Variants in FBXL13 observed in about 807,000 individuals in gnomAD.
FBXL13 encodes the protein F-box and leucine-rich repeat protein 13.
In FBXL13, 67 loss-of-function variants were observed where a neutral mutation model predicts 83.6. The ratio of observed to expected loss-of-function variants is 0.80; its 90% CI spans 0.66 to 0.98. FBXL13 has a LOEUF of 0.98. Among genes scored for constraint, FBXL13 ranks in the 50% least tolerant of loss-of-function variants. The pLI, the probability that FBXL13 is intolerant of heterozygous loss-of-function variation, is 0.00. For synonymous variants in FBXL13, 272 were observed against 299.5 expected, an observed-to-expected ratio of 0.91 and a Z score of 0.95; for missense variants, 822 against 866.5, an observed-to-expected ratio of 0.95 and a Z score of 0.64.
chr7:102,939,740 G>T (rs1780129274), intron 8 of FBXL13, among the ~76,000 whole-genome samples: 1 of 152,184 alleles, frequency 6.6e-6, no homozygotes, highest in Admixed American at 6.5e-5. Flanking sequence ...ACTAGGAGTT[G>T]TTTGCCACTC....
intron 6 of FBXL13, among the ~76,000 whole-genome samples, chr7:102,995,964 A>C (rs907752991): frequency 2.0e-5 from 3 of 152,102 alleles, no homozygotes; most frequent in Admixed American, 6.5e-5. Context: ...AGTGAACCTA[A>C]AACTTAGATT....
intron 6 of FBXL13, among the ~76,000 whole-genome samples, chr7:102,969,942 A>G (rs1826437364): frequency 6.6e-6 from 1 of 152,156 alleles, no homozygotes; most frequent in Non-Finnish European, 1.5e-5. Flanking sequence ...AAACTAAGGT[A>G]TCTAGCCTGG....
intron 11 of FBXL13, among the ~76,000 whole-genome samples, chr7:102,890,706 A>C (rs1019510656): frequency 5.3e-5 from 8 of 152,248 alleles, no homozygotes; most frequent in African/African-American, 1.9e-4. Context: ...ACTTAGTGAC[A>C]GGGATGATAA....
chr7:102,954,580 TAA>T (rs1823952122), intron 8 of FBXL13, among the ~76,000 whole-genome samples: 1 of 152,302 alleles, frequency 6.6e-6, no homozygotes, highest in Admixed American at 6.5e-5. Context: ...ATGCCCCAAT[TAA>T]AAGACACAGA....
At chr7:102,939,290 C>G in intron 8 of FBXL13, 1 of 649,450 alleles carries the variant, frequency 1.5e-6, no homozygotes, top group Non-Finnish European at 2.5e-6. Flanking sequence ...AGGCTTGTTT[C>G]ATACTAACTT....
chr7:103,042,925 T>A (rs939545400), intron 2 of FBXL13, among the ~76,000 whole-genome samples: 1 of 151,984 alleles, frequency 6.6e-6, no homozygotes, highest in Non-Finnish European at 1.5e-5. Context: ...GACTTCATGA[T>A]TAAAACACCA....
intron 6 of FBXL13, among the ~76,000 whole-genome samples, chr7:103,002,867 T>C (rs1790548054): frequency 6.6e-6 from 1 of 152,180 alleles, no homozygotes; most frequent in South Asian, 2.1e-4. Context: ...TTATTACATG[T>C]CTTGGGGTAG....
At chr7:102,858,176 A>G (rs1806302245) in intron 16 of FBXL13, among the ~76,000 whole-genome samples, 1 of 152,244 alleles carries the variant, frequency 6.6e-6, no homozygotes, top group African/African-American at 2.4e-5. Flanking sequence ...GGAGGACATG[A>G]TGTTAAGCAA....
At chr7:102,843,951 G>A (rs1345249602) in intron 17 of FBXL13, among the ~76,000 whole-genome samples, 1 of 152,126 alleles carries the variant, frequency 6.6e-6, no homozygotes, top group Admixed American at 6.5e-5. Context: ...GTGATCATCA[G>A]ACAACAGGGT....
chr7:103,031,644 G>A (rs1280505014), intron 2 of FBXL13, among the ~76,000 whole-genome samples: 1 of 152,170 alleles, frequency 6.6e-6, no homozygotes, highest in Admixed American at 6.5e-5. Flanking sequence ...GGAATGGACA[G>A]TGCATCACAA....
At chr7:102,913,139 A>G in exon 11 of FBXL13, 1 of 1,614,186 alleles carries the variant, frequency 6.2e-7, no homozygotes, top group South Asian at 1.1e-5. Flanking sequence ...CCATTCCCCA[A>G]GTTCAGGTAC....
chr7:102,971,523 G>A lies in FBXL13; in HGVS notation c.496-3406C>T, dbSNP rs190117119. 3.3e-5 allele frequency among the ~76,000 whole-genome samples: 5 copies of A among 151,736 alleles called. No individual in the cohort carries two copies. In the East Asian group the frequency reaches 9.7e-4, roughly 29 times the overall value. On this transcript the variant is annotated intron_variant, in intron 6 of 19. Coordinates refer to ENST00000313221, the Ensembl canonical transcript of FBXL13. ...GAGGCAGGAGAATCGCTTGAACCCGGGCGGAGGTGGCGGTGAGCCAAGATT... is the reference window on the plus strand; with the variant it reads ...GAGGCAGGAGAATCGCTTGAACCCGAGCGGAGGTGGCGGTGAGCCAAGATT...
At chr7:103,004,942 A>C (rs549446866) in intron 6 of FBXL13, among the ~76,000 whole-genome samples, 18 of 152,324 alleles carry the variant, frequency 1.2e-4, no homozygotes, top group Admixed American at 7.8e-4. Context: ...CTTATGATAT[A>C]TTCACTTACT....
At chr7:102,933,668 C>G in intron 8 of FBXL13, 1 of 305,846 alleles carries the variant, frequency 3.3e-6, no homozygotes, top group Non-Finnish European at 6.0e-6. Context: ...CGTCACTGTT[C>G]TGTGGAACTA....
intron 6 of FBXL13, among the ~76,000 whole-genome samples, chr7:103,016,230 C>T (rs1010910822): frequency 6.7e-6 from 1 of 149,442 alleles, no homozygotes; most frequent in African/African-American, 2.5e-5. Flanking sequence ...AAGAACAATG[C>T]TGGAGACATC....
rs901453699 is a variant in FBXL13, at chr7:102,854,853, T to C, written c.1643A>G (p.Asn548Ser). The change falls in exon 17 of 20, where the codon AAT becomes AGT. Residue 548 changes from asparagine (N) to serine (S), a missense_variant. Transcript: ENST00000313221. ...CAATTTTTTATGTCTGGAAAGCACA[T>C]TCAAACCCTAAAAATATTTAATATA... is the stretch of plus-strand genomic sequence containing the variant. 6.4e-6 allele frequency: 10 copies of C among 1,554,068 alleles called. No individual in the cohort carries two copies. The African/African-American group carries it at 8.2e-5, about 13-fold the overall frequency.
chr7:102,862,162 G>T (rs1584677799), intron 16 of FBXL13, among the ~76,000 whole-genome samples: 1 of 152,008 alleles, frequency 6.6e-6, no homozygotes, highest in East Asian at 1.9e-4. Context: ...GGTCAATGTG[G>T]TGAAACCCCG....
At chr7:103,034,820 G>A (rs1194737086) in intron 2 of FBXL13, among the ~76,000 whole-genome samples, 1 of 152,208 alleles carries the variant, frequency 6.6e-6, no homozygotes, top group African/African-American at 2.4e-5. Context: ...CAAATTTAAT[G>A]TGACTTTAAA....
At chr7:103,025,933 T>A (rs906024212) in intron 5 of FBXL13, among the ~76,000 whole-genome samples, 2 of 151,496 alleles carry the variant, frequency 1.3e-5, no homozygotes, top group African/African-American at 4.8e-5. Context: ...GATTGTTAGG[T>A]CAATAAATCA....
Sources: allele counts gnomAD v4.1 joint callset (sites outside exome capture counted in the v4.1 genomes callset), GRCh38; gene constraint gnomAD v4.1.1; transcripts MANE v1.5; gene names NCBI Gene and HGNC (gene_info 2026-07-23, HGNC 2026-07-21).